SYTL2: variants seen among roughly 807,000 people sequenced by gnomAD.
The protein encoded by SYTL2 is synaptotagmin like 2, also known as synaptotagmin-like protein 2.
SYTL2 carries 165 observed loss-of-function variants against 198.7 expected under a neutral mutation model. That is an observed-to-expected ratio of 0.83 (90% CI 0.73 to 0.94). The LOEUF (loss-of-function observed/expected upper bound fraction) is 0.94, where lower values mean the gene tolerates loss of function less well. Ranked by LOEUF, SYTL2 falls within the 40% of genes least tolerant of loss-of-function variation. SYTL2 has a pLI of 0.00. For synonymous variants in SYTL2, 966 were observed against 917.7 expected (o/e 1.05, Z -0.95); for missense variants, 2,835 against 2,582.8 (o/e 1.10, Z -2.12).
At chr11:85,696,660 C>A (rs1420218850) in intron 18 of SYTL2, among the ~76,000 whole-genome samples, 2 of 152,152 alleles carry the variant, frequency 1.3e-5, no homozygotes, top group East Asian at 3.8e-4. Context: ...ACCTTACGGA[C>A]ACTTGCTTCT....
intron 1 of SYTL2, among the ~76,000 whole-genome samples, chr11:85,794,708 A>G (rs1440415537): frequency 2.0e-5 from 3 of 152,168 alleles, no homozygotes; most frequent in Admixed American, 6.5e-5. Flanking sequence ...AGGAAAAAAA[A>G]TCATTATATT....
the SYTL2 span, among the ~76,000 whole-genome samples, chr11:85,847,543 C>T: frequency 6.6e-6 from 1 of 152,170 alleles, no homozygotes; most frequent in Admixed American, 6.6e-5. Context: ...TAAGAGACTG[C>T]TAAACTGTTT....
chr11:85,758,340 C>T (rs974904983), intron 1 of SYTL2, among the ~76,000 whole-genome samples: 7 of 152,286 alleles, frequency 4.6e-5, no homozygotes, highest in Middle Eastern at 6.8e-3. Flanking sequence ...CAGTGTTTAA[C>T]GATCCACCTG....
At chr11:85,837,430 C>T in the SYTL2 span, among the ~76,000 whole-genome samples, 1 of 152,160 alleles carries the variant, frequency 6.6e-6, no homozygotes, top group Non-Finnish European at 1.5e-5. Flanking sequence ...AAAGCCCTCC[C>T]CAAGTCAGGA....
Position 85,727,952 on chromosome 11 carries a change from C to T in SYTL2, c.1406G>A (p.Cys469Tyr), listed in dbSNP as rs766431412. Residue 469 changes from cysteine to tyrosine, a missense_variant, in exon 8 of 20, where the codon TGT (cysteine) becomes TAT (tyrosine). This residue lies in a region of SYTL2 where 2,645 missense variants were observed against 2,381.7 expected (regional missense o/e 1.11). Coordinates refer to ENST00000359152, the MANE Select transcript of SYTL2 (RefSeq NM_206927.4). ...CACCTGAGATGGCTCAGGCTCAACA[C>T]AATGAGACAGTTCATCTGCAACATA... ...PRSPADELSH[C>Y]VEPEPSQVPG... is the part of the protein sequence containing the mutation. The T allele has an allele frequency of 6.3e-7, 1 of 1,596,852 alleles. No individual in the cohort carries two copies. Among genetic ancestry groups the T allele is most frequent in the Non-Finnish European group, 8.5e-7 (1 of 1,174,850 alleles).
At chr11:85,753,785 A>T (rs2153540932) in intron 2 of SYTL2, among the ~76,000 whole-genome samples, 1 of 151,846 alleles carries the variant, frequency 6.6e-6, no homozygotes, top group South Asian at 2.1e-4. Context: ...AAAAAAAAAA[A>T]AAAAGATGGG....
At chr11:85,848,687 T>C in the SYTL2 span, among the ~76,000 whole-genome samples, 27 of 152,346 alleles carry the variant, frequency 1.8e-4, no homozygotes, top group African/African-American at 6.3e-4. Context: ...TTTAAAACTA[T>C]AGCAAGCAGG....
At chr11:85,709,546 A>C (rs1392565986) in intron 13 of SYTL2, 46 bp from the exon 14 acceptor site, 5 of 1,564,530 alleles carry the variant, frequency 3.2e-6, no homozygotes, top group Non-Finnish European at 4.4e-6. Flanking sequence ...TCTCATTCTT[A>C]AACCTAGCAC....
At chr11:85,789,267 A>ATG (rs569747307) in intron 1 of SYTL2, among the ~76,000 whole-genome samples, 1,926 of 128,452 alleles carry the variant, frequency 0.015, 47 homozygotes, top group African/African-American at 0.055. Context: ...TGGCTGATGT[A>ATG]TGTGTGTGTG....
At chr11:85,759,530 CAAA>C (rs66592953) in intron 1 of SYTL2, among the ~76,000 whole-genome samples, 88,010 of 151,562 alleles carry the variant, frequency 0.58, 26,144 homozygotes, top group Middle Eastern at 0.65. Flanking sequence ...CATTCTGTAC[CAAA>C]AATAGCTACT....
At chr11:85,696,594 G>T in intron 18 of SYTL2, 1 of 568,074 alleles carries the variant, frequency 1.8e-6, no homozygotes, top group East Asian at 2.9e-5. Flanking sequence ...AGCTATACTT[G>T]GTTTGAATCC....
chr11:85,695,271 A>G lies in SYTL2; in HGVS notation c.6644T>C (p.Met2215Thr), dbSNP rs756340731. 1.2e-5 allele frequency: 20 copies of G among 1,612,750 alleles called. No homozygotes were observed. The highest frequency in any genetic ancestry group is 2.7e-5 in the African/African-American group (2 of 74,930). The change falls in exon 20 of 20, where the codon ATG becomes ACG. Residue 2215 changes from methionine to threonine, a missense_variant. By Grantham distance (81) the Met-to-Thr change is moderately conservative. Around this residue, in one of 3 missense-constraint regions of SYTL2, gnomAD observed 185 missense variants for 182.1 expected, o/e 1.02. Transcript: ENST00000359152. ...AATCCAAGTATTGGGGGAGTTTACC[A>G]TCTTCTCCCAGAGAGCAACTTCCTC... The part of the protein sequence containing the change: ...TSEEVALWEK[M>T]VNSPNTWIEA...
In SYTL2 at chr11:85,724,133, T is replaced by C. The variant is rs1452595325; in HGVS notation, c.5225A>G (p.Tyr1742Cys). The C allele has an allele frequency of 5.0e-6, 8 of 1,598,302 alleles. 1 individual carries two copies. The highest frequency in any genetic ancestry group is 6.8e-6 in the Non-Finnish European group (8 of 1,176,238). Residue 1742 changes from tyrosine to cysteine, a missense_variant, in exon 8 of 20, where the codon TAT (tyrosine) becomes TGT (cysteine). Tyr to Cys is a radical substitution (Grantham distance 194, BLOSUM62 -2). Transcript: ENST00000359152. ...SKVELTLASP[Y>C]MKQEKEEEKE... ...TTCTTCCTCTTTCTCTTGTTTCATA[T>C]ATGGCGATGCTAGAGTCAATTCAAC...
At chr11:85,821,221 CCA>C in the SYTL2 span, among the ~76,000 whole-genome samples, 1 of 152,094 alleles carries the variant, frequency 6.6e-6, no homozygotes, top group Non-Finnish European at 1.5e-5. Context: ...TCTACAATTG[CCA>C]GTTTAATTAG....
chr11:85,709,460 C>T lies in SYTL2; in HGVS notation c.5786G>A (p.Gly1929Asp), dbSNP rs750270054. ...AATATTTCCTTTAACTTCCAGATTG[C>T]CAAAGTCTCCACTATAAACACTCAT... Reference protein sequence around the residue: ...SVMSVYSGDFGNLEVKGNIQF... With the variant: ...SVMSVYSGDFDNLEVKGNIQF... Residue 1929 changes from glycine to aspartate, a missense_variant, in exon 14 of 20, where the codon GGC becomes GAC. Gly to Asp is a moderately conservative substitution (Grantham distance 94, BLOSUM62 -1). This residue lies in a region of SYTL2 where 2,645 missense variants were observed against 2,381.7 expected (regional missense o/e 1.11). Coordinates refer to ENST00000359152, the MANE Select transcript of SYTL2 (RefSeq NM_206927.4). 8.1e-6 allele frequency: 13 copies of T among 1,614,016 alleles called. No individual in the cohort carries two copies. Among genetic ancestry groups the T allele is most frequent in the Non-Finnish European group, 9.3e-6 (11 of 1,180,000 alleles).
chr11:85,836,090 G>A, the SYTL2 span, among the ~76,000 whole-genome samples: 78 of 152,216 alleles, frequency 5.1e-4, no homozygotes, highest in Admixed American at 1.9e-3. Context: ...TGGGGAAGAG[G>A]TCCTTTGGTG....
At chr11:85,749,837 GTTC>G (rs1309506104) in intron 2 of SYTL2, among the ~76,000 whole-genome samples, 1 of 152,202 alleles carries the variant, frequency 6.6e-6, no homozygotes, top group East Asian at 1.9e-4. Context: ...GAATGGAGAA[GTTC>G]TTCTACTTCT....
At chr11:85,824,271 C>G in the SYTL2 span, among the ~76,000 whole-genome samples, 1 of 152,084 alleles carries the variant, frequency 6.6e-6, no homozygotes, top group Admixed American at 6.5e-5. Context: ...ACTACAGGGT[C>G]TGAAGGTCCA....
Position 85,726,425 on chromosome 11 carries a change from T to C in SYTL2, c.2933A>G (p.Asn978Ser). The change falls in exon 8 of 20, where the codon AAT becomes AGT. Residue 978 changes from asparagine (N) to serine (S), a missense_variant. Asn to Ser is a conservative substitution (Grantham distance 46, BLOSUM62 1). This residue lies in a region of SYTL2 where 2,645 missense variants were observed against 2,381.7 expected (regional missense o/e 1.11). Transcript: ENST00000359152. ...TCTCAAATTCTCAAACTGAGAGGGA[T>C]TATAGACCTGTTCTGCATTGGGTTC... ...MDEPNAEQVY[N>S]PSQFENLRKF... The C allele has an allele frequency of 6.2e-7, 1 of 1,613,562 alleles. No individual in the cohort carries two copies. Among genetic ancestry groups the C allele is most frequent in the Admixed American group, 1.7e-5 (1 of 59,944 alleles).
Sources: gnomAD v4.1 joint callset for allele counts (sites outside exome capture counted in the v4.1 genomes callset) on GRCh38, gnomAD v4.1.1 for gene constraint, gnomAD v4.1.1 regional missense constraint, MANE v1.5 for transcripts, NCBI Gene and HGNC (gene_info 2026-07-23, HGNC 2026-07-21) for gene names.